Variants in CACNA2D3 observed in about 807,000 individuals in gnomAD.
CACNA2D3 encodes the protein calcium voltage-gated channel auxiliary subunit alpha2delta 3.
A neutral mutation model predicts 160.6 loss-of-function variants in CACNA2D3; 60 were observed. That is an observed-to-expected ratio of 0.37 (90% CI 0.30 to 0.46). The LOEUF (loss-of-function observed/expected upper bound fraction) is 0.46, where lower values mean the gene tolerates loss of function less well. Ranked by LOEUF, CACNA2D3 falls within the 20% of genes least tolerant of loss-of-function variation. The probability of loss-of-function intolerance (pLI) is 1.00; values close to 1 mark genes in which losing one functional copy is unlikely to be tolerated. For synonymous variants in CACNA2D3, 558 were observed against 492.9 expected (o/e 1.13, Z -1.75); for missense variants, 1,205 against 1,365.0 (o/e 0.88, Z 1.85).
intron 3 of CACNA2D3, among the ~76,000 whole-genome samples, chr3:54,381,642 G>A (rs1699104534): frequency 6.6e-6 from 1 of 152,118 alleles, no homozygotes; most frequent in African/African-American, 2.4e-5. Context: ...GGAGGAAACG[G>A]GACACTGTGC....
intron 3 of CACNA2D3, among the ~76,000 whole-genome samples, chr3:54,383,968 A>G (rs1439228247): frequency 6.6e-6 from 1 of 152,222 alleles, no homozygotes; most frequent in Non-Finnish European, 1.5e-5. Context: ...CAGTATACAT[A>G]TATATACATA....
At chr3:54,719,308 A>G (rs1386646137) in intron 11 of CACNA2D3, among the ~76,000 whole-genome samples, 3 of 151,718 alleles carry the variant, frequency 2.0e-5, no homozygotes, top group Non-Finnish European at 2.9e-5. Flanking sequence ...TTTGATTTTC[A>G]TACATATTCT....
chr3:55,063,045 A>T (rs945424185), intron 35 of CACNA2D3, among the ~76,000 whole-genome samples: 3 of 152,224 alleles, frequency 2.0e-5, no homozygotes, highest in Non-Finnish European at 4.4e-5. Flanking sequence ...ACAACATGTC[A>T]TGGGAGAATG....
At chr3:54,928,014 T>G in intron 27 of CACNA2D3, 1 of 1,074,082 alleles carries the variant, frequency 9.3e-7, no homozygotes, top group Non-Finnish European at 1.4e-6. Flanking sequence ...AGCTTTACAT[T>G]CAGTCTTTCT....
intron 10 of CACNA2D3, among the ~76,000 whole-genome samples, 161 bp from the exon 11 acceptor site, chr3:54,641,967 G>A (rs1699530666): frequency 6.6e-6 from 1 of 152,174 alleles, no homozygotes; most frequent in African/African-American, 2.4e-5. Flanking sequence ...CAAATGTGGT[G>A]ATCTGTGTGG....
intron 2 of CACNA2D3, among the ~76,000 whole-genome samples, chr3:54,272,301 T>A (rs576474596): frequency 1.2e-4 from 19 of 152,330 alleles, no homozygotes; most frequent in African/African-American, 4.3e-4. Context: ...TTTTGCCAGC[T>A]CTGTGTGCTT....
At chr3:55,043,282 ATTCCTTCC>A (rs543334083) in intron 35 of CACNA2D3, among the ~76,000 whole-genome samples, 1 of 150,538 alleles carries the variant, frequency 6.6e-6, no homozygotes, top group South Asian at 2.1e-4. Flanking sequence ...GGTATTATTC[ATTCCTTCC>A]TTCCTTCCTT....
At chr3:54,530,155 T>G (rs1175493898) in intron 5 of CACNA2D3, among the ~76,000 whole-genome samples, 1 of 152,176 alleles carries the variant, frequency 6.6e-6, no homozygotes, top group Non-Finnish European at 1.5e-5. Context: ...CAGTTCAGTT[T>G]CTTTGTTGCT....
chr3:54,906,963 G>A (rs1302246155), intron 27 of CACNA2D3, among the ~76,000 whole-genome samples: 1 of 152,138 alleles, frequency 6.6e-6, no homozygotes, highest in African/African-American at 2.4e-5. Context: ...GCATGTTGAG[G>A]ATTATTGCCC....
intron 18 of CACNA2D3, chr3:54,875,808 G>C (rs1699645162): frequency 6.6e-6 from 1 of 152,294 alleles, no homozygotes; most frequent in Admixed American, 6.5e-5. Flanking sequence ...AGAGAGCGGA[G>C]AGGCTGATCA....
chr3:55,071,287 G>C (rs1704799034), intron 35 of CACNA2D3, among the ~76,000 whole-genome samples: 1 of 152,008 alleles, frequency 6.6e-6, no homozygotes, highest in African/African-American at 2.4e-5. Flanking sequence ...CAATTTAAGA[G>C]TCTTTGCCCT....
intron 11 of CACNA2D3, among the ~76,000 whole-genome samples, chr3:54,661,116 G>T (rs1699962248): frequency 6.6e-6 from 1 of 152,140 alleles, no homozygotes; most frequent in South Asian, 2.1e-4. Flanking sequence ...TAGCCAAATG[G>T]CCAGGAAGGC....
intron 2 of CACNA2D3, among the ~76,000 whole-genome samples, chr3:54,281,720 C>G (rs1691454751): frequency 6.6e-6 from 1 of 152,178 alleles, no homozygotes; most frequent in Non-Finnish European, 1.5e-5. Flanking sequence ...AGAATTAAAG[C>G]TGAAAATGAT....
At chr3:54,744,353 G>A (rs1701709061) in intron 11 of CACNA2D3, among the ~76,000 whole-genome samples, 1 of 152,188 alleles carries the variant, frequency 6.6e-6, no homozygotes, top group Non-Finnish European at 1.5e-5. Context: ...TAACCTGGGA[G>A]CCAGATGTTC....
intron 24 of CACNA2D3, among the ~76,000 whole-genome samples, 168 bp downstream of exon 24, chr3:54,888,220 TG>T (rs756185229): frequency 7.2e-5 from 11 of 152,226 alleles, no homozygotes; most frequent in Admixed American, 5.9e-4. Flanking sequence ...GGCTCGGGCT[TG>T]GATGGCAAGC....
At chr3:54,223,776 C>T (rs563606932) in intron 2 of CACNA2D3, among the ~76,000 whole-genome samples, 60 of 147,878 alleles carry the variant, frequency 4.1e-4, no homozygotes, top group African/African-American at 1.3e-3. Flanking sequence ...TGCTTGAACC[C>T]GGGAGGTGGA....
chr3:55,074,266 T>G lies in CACNA2D3; in HGVS notation c.*60T>G, dbSNP rs1575463968. ...TTCTCTTGGCATGCTAAATCATGGA[T>G]AAACTGTGAACCAAAATATGGTGCA... On this transcript the variant is annotated 3_prime_UTR_variant, in exon 38 of 38. Coordinates refer to ENST00000474759, the MANE Select transcript of CACNA2D3 (RefSeq NM_018398.3). 1 of 1,405,814 alleles carries G rather than the reference T, an allele frequency of 7.1e-7. No homozygotes were observed. The highest frequency in any genetic ancestry group is 2.3e-5 in the East Asian group (1 of 43,992). The allele number at this position is 1,405,814 out of a possible 1,614,324, so 87.1% of individuals were successfully genotyped here. A position where few individuals can be genotyped will look rare whatever the true frequency, so the allele number is the denominator to read the frequency against.
Position 54,960,250 on chromosome 3 carries a change from A to G in CACNA2D3, c.2450-8200A>G, listed in dbSNP as rs183476551. Among the ~76,000 whole-genome samples the G allele has an allele frequency of 5.2e-3, 791 of 152,246 alleles. 22 individuals are homozygous for G. Among genetic ancestry groups the G allele is most frequent in the Non-Finnish European group, 1.8e-3 (122 of 68,022 alleles). ...CTGCTGCGGCCTTGTCAATGGTGTG[A>G]TAATGTGAGCTATTTCTCCTCCCTC... On this transcript the variant is annotated intron_variant, in intron 27 of 37. Transcript: ENST00000474759.
chr3:54,578,504 G>T (rs536080983), intron 8 of CACNA2D3, among the ~76,000 whole-genome samples: 6 of 152,374 alleles, frequency 3.9e-5, no homozygotes, highest in Non-Finnish European at 5.9e-5. Context: ...GGGAGGAGCC[G>T]TTGGGTAGTG....
Sources: gnomAD v4.1 joint callset for allele counts (sites outside exome capture counted in the v4.1 genomes callset) on GRCh38, gnomAD v4.1.1 for gene constraint, MANE v1.5 for transcripts, NCBI Gene and HGNC (gene_info 2026-07-23, HGNC 2026-07-21) for gene names.